USP10: variants seen among roughly 807,000 people sequenced by gnomAD.
The protein encoded by USP10 is ubiquitin carboxyl-terminal hydrolase 10.
A neutral mutation model predicts 84.5 loss-of-function variants in USP10; 22 were observed. The ratio of observed to expected loss-of-function variants is 0.26; its 90% confidence interval spans 0.19 to 0.37. The LOEUF (loss-of-function observed/expected upper bound fraction) is 0.37. USP10 is among the 10% of genes least tolerant of loss of function. The pLI is 1.00. For missense variants in USP10, 1,019 were observed against 998.9 expected (o/e 1.02, Z -0.27); for synonymous variants, 454 against 387.6 (o/e 1.17, Z -2.01).
At chr16:84,769,389 T>C (rs1168662145) in intron 11 of USP10, among the ~76,000 whole-genome samples, 2 of 152,234 alleles carry the variant, frequency 1.3e-5, no homozygotes, top group Non-Finnish European at 2.9e-5. Flanking sequence ...CCTAATCTTC[T>C]ACCGTATTTG....
chr16:84,703,543 G>C (rs72797564), intron 1 of USP10, among the ~76,000 whole-genome samples: 2,429 of 152,354 alleles, frequency 0.016, 37 homozygotes, highest in Non-Finnish European at 0.025. Context: ...AGCTGGATTA[G>C]TGTTAATTCT....
intron 10 of USP10, among the ~76,000 whole-genome samples, chr16:84,767,388 C>T (rs926931912): frequency 6.6e-6 from 1 of 152,146 alleles, no homozygotes; most frequent in Admixed American, 6.5e-5. Context: ...GTCAAATTGG[C>T]GCCCTTCTTG....
intron 10 of USP10, among the ~76,000 whole-genome samples, chr16:84,765,179 C>G (rs186766480): frequency 6.6e-6 from 1 of 151,450 alleles, no homozygotes; most frequent in Non-Finnish European, 1.5e-5. Flanking sequence ...AAAGTATACA[C>G]AGATGTTATG....
At chr16:84,721,828 G>C (rs1907852610) in intron 1 of USP10, among the ~76,000 whole-genome samples, 1 of 152,246 alleles carries the variant, frequency 6.6e-6, no homozygotes, top group Non-Finnish European at 1.5e-5. Flanking sequence ...CTCTCGAGTA[G>C]CTGGGACTAC....
intron 12 of USP10, 37 bp from the exon 13 acceptor site, chr16:84,775,123 T>C: frequency 6.2e-7 from 1 of 1,601,134 alleles, no homozygotes; most frequent in South Asian, 1.1e-5. Context: ...TGAACCTTTC[T>C]AAAAGTGCTT....
intron 13 of USP10, among the ~76,000 whole-genome samples, chr16:84,776,416 CTTCTT>C (rs145228085): frequency 0.018 from 2,690 of 152,280 alleles, 70 homozygotes; most frequent in African/African-American, 0.062. Context: ...TTTTGACTCT[CTTCTT>C]TTCTCCCCCC....
intron 1 of USP10, among the ~76,000 whole-genome samples, chr16:84,732,830 T>G (rs1368365566): frequency 6.6e-6 from 1 of 152,200 alleles, no homozygotes; most frequent in Admixed American, 6.5e-5. Flanking sequence ...GTTTAACCAC[T>G]TCGTTTTCCA....
At chr16:84,750,311 G>T (rs1911768091) in intron 4 of USP10, among the ~76,000 whole-genome samples, 1 of 151,238 alleles carries the variant, frequency 6.6e-6, no homozygotes, top group African/African-American at 2.4e-5. Flanking sequence ...AGGAGGCTGT[G>T]TCAGGAGAAT....
At chr16:84,778,510 A>C (rs924152587) in intron 13 of USP10, among the ~76,000 whole-genome samples, 2 of 152,208 alleles carry the variant, frequency 1.3e-5, no homozygotes, top group Non-Finnish European at 2.9e-5. Context: ...CAAGATTCAG[A>C]TAATCTCTTC....
intron 13 of USP10, among the ~76,000 whole-genome samples, chr16:84,776,697 C>G (rs1259842764): frequency 6.6e-6 from 1 of 152,190 alleles, no homozygotes; most frequent in Non-Finnish European, 1.5e-5. Context: ...GGGATTGCTC[C>G]TCTCCTGGTC....
At chr16:84,774,652 A>G (rs1252974021) in intron 12 of USP10, among the ~76,000 whole-genome samples, 1 of 151,726 alleles carries the variant, frequency 6.6e-6, no homozygotes, top group Non-Finnish European at 1.5e-5. Flanking sequence ...TTGTATTTTT[A>G]ATAGAGACGT....
In USP10 at chr16:84,729,619, G is replaced by A. The variant is rs138889473; in HGVS notation, c.22-3816G>A. ...CTTGCAGAGATGCTCTTAAACCCTT[G>A]GCACTGACTTCTTAGCCCGTTCCTT... On this transcript the variant is annotated intron_variant, in intron 1 of 13. Transcript: ENST00000219473. 5.4e-4 allele frequency among the ~76,000 whole-genome samples: 83 copies of A among 152,310 alleles called. 1 individual carries two copies. The East Asian group carries it at 0.014, about 27-fold the overall frequency.
intron 3 of USP10, among the ~76,000 whole-genome samples, chr16:84,743,841 T>C (rs150233675): frequency 0.014 from 2,173 of 152,338 alleles, 25 homozygotes; most frequent in Middle Eastern, 0.034. Context: ...TATTTAAAAG[T>C]TCACAATTCT....
At chr16:84,700,313 C>G (rs1213069187) in intron 1 of USP10, among the ~76,000 whole-genome samples, 1 of 152,006 alleles carries the variant, frequency 6.6e-6, no homozygotes, top group African/African-American at 2.4e-5. Flanking sequence ...CACCCGGACC[C>G]CCTAGTCCCG....
intron 1 of USP10, among the ~76,000 whole-genome samples, chr16:84,712,227 G>A (rs2150763868): frequency 6.6e-6 from 1 of 152,316 alleles, no homozygotes; most frequent in East Asian, 1.9e-4. Flanking sequence ...TCCTTCCTCA[G>A]GAGGCAGTCA....
At chr16:84,726,218 G>C (rs138563915) in intron 1 of USP10, among the ~76,000 whole-genome samples, 17 of 152,340 alleles carry the variant, frequency 1.1e-4, no homozygotes, top group African/African-American at 4.1e-4. Flanking sequence ...GCGCCCCCTA[G>C]TGCCGTGCTG....
intron 4 of USP10, 75 bp downstream of exon 4, chr16:84,745,748 T>A: frequency 1.4e-6 from 2 of 1,450,926 alleles, no homozygotes; most frequent in South Asian, 2.7e-5. Context: ...GACTGTGGTG[T>A]TACCCATAAC....
At chr16:84,742,193 T>G (rs1910704377) in intron 3 of USP10, among the ~76,000 whole-genome samples, 1 of 152,210 alleles carries the variant, frequency 6.6e-6, no homozygotes, top group South Asian at 2.1e-4. Flanking sequence ...TGGTTGTCCT[T>G]CACCTCAAGC....
At chr16:84,773,285 C>T (rs1474228152) in intron 12 of USP10, among the ~76,000 whole-genome samples, 1 of 152,168 alleles carries the variant, frequency 6.6e-6, no homozygotes, top group African/African-American at 2.4e-5. Context: ...AACACTGAGG[C>T]TTGATTGGGA....
Sources: gnomAD v4.1 joint callset for allele counts (sites outside exome capture counted in the v4.1 genomes callset) on GRCh38, gnomAD v4.1.1 for gene constraint, MANE v1.5 for transcripts, NCBI Gene and HGNC (gene_info 2026-07-23, HGNC 2026-07-21) for gene names.